Variants in NBPF11 observed in about 807,000 individuals in gnomAD.
The protein encoded by NBPF11 is NBPF family member NBPF11.
In NBPF11, 72 loss-of-function variants were observed where a neutral mutation model predicts 93.9. The observed-to-expected ratio is 0.77, with a 90% confidence interval of 0.63 to 0.93. NBPF11 has a LOEUF of 0.93. Among genes scored for constraint, NBPF11 ranks in the 40% least tolerant of loss-of-function variants. The pLI is 0.00. For synonymous variants in NBPF11, 224 were observed against 304.9 expected (o/e 0.73, Z 2.76); for missense variants, 705 against 802.2 (o/e 0.88, Z 1.46).
chr1:148,147,308 G>A (rs1673325364), intron 1 of NBPF11, among the ~76,000 whole-genome samples: 1 of 152,078 alleles, frequency 6.6e-6, no homozygotes, highest in Non-Finnish European at 1.5e-5. Context: ...GGCCAAGTGA[G>A]GCGAGGCTGC....
intron 2 of NBPF11, among the ~76,000 whole-genome samples, chr1:148,142,499 G>C (rs1672355664): frequency 6.6e-6 from 1 of 151,052 alleles, no homozygotes; most frequent in South Asian, 2.1e-4. Context: ...AAGCTGCCCG[G>C]CTGCAGGTGG....
chr1:148,103,940 C>T, intron 23 of NBPF11, 28 bp from the exon 24 acceptor site: 2 of 1,610,488 alleles, frequency 1.2e-6, no homozygotes, highest in Non-Finnish European at 1.7e-6. Context: ...ACTAAAGAAG[C>T]AGCCAGGGAA....
chr1:148,111,994 G>C (rs1665395892), intron 15 of NBPF11, among the ~76,000 whole-genome samples: 1 of 149,804 alleles, frequency 6.7e-6, no homozygotes, highest in South Asian at 2.1e-4. Context: ...GCTAAGGGCA[G>C]CCAGAGAGAA....
In NBPF11 at chr1:148,124,053, A is replaced by T; in HGVS notation, c.293T>A (p.Leu98Gln). 6.3e-7 allele frequency: 1 copy of T among 1,599,812 alleles called. No individual in the cohort carries two copies. Among genetic ancestry groups the T allele is most frequent in the Non-Finnish European group, 8.6e-7 (1 of 1,169,096 alleles). Residue 98 changes from leucine to glutamine, a missense_variant, in exon 7 of 24, where the codon CTG (leucine) becomes CAG (glutamine). Coordinates refer to ENST00000682118, the MANE Select transcript of NBPF11 (RefSeq NM_001385469.3). Reference protein sequence around the residue: ...QAEELRQYKVLVHSQERELTQ... With the variant: ...QAEELRQYKVQVHSQERELTQ... Reference sequence around the variant, plus strand: ...CAGCTCTCGTTCCTGAGAGTGAACCAGGACTTTATATTGCCTAAGGTGAGA... The same window carrying T: ...CAGCTCTCGTTCCTGAGAGTGAACCTGGACTTTATATTGCCTAAGGTGAGA...
chr1:148,108,456 T>C lies in NBPF11; in HGVS notation c.2026+26A>G, dbSNP rs371877701. ...CTAAACAGAAGACTCAGTGGATCCTTATCACCTTCATAGAAAGGTACTCAC... is the reference window on the plus strand; with the variant it reads ...CTAAACAGAAGACTCAGTGGATCCTCATCACCTTCATAGAAAGGTACTCAC... On this transcript the variant is annotated intron_variant, in intron 18 of 23. Coordinates refer to ENST00000682118, the MANE Select transcript of NBPF11 (RefSeq NM_001385469.3). The C allele has an allele frequency of 6.3e-6, 9 of 1,433,656 alleles. No homozygotes were observed. In the African/African-American group the frequency reaches 1.3e-4, roughly 21 times the overall value. The allele number at this position is 1,433,656 out of a possible 1,614,324, so 88.8% of individuals were successfully genotyped here.
intron 2 of NBPF11, among the ~76,000 whole-genome samples, chr1:148,139,808 G>A (rs1331820572): frequency 0.022 from 3,265 of 149,246 alleles, 100 homozygotes; most frequent in African/African-American, 0.075. Context: ...TCACAGGGAA[G>A]AGAAGCTACT....
intron 1 of NBPF11, among the ~76,000 whole-genome samples, chr1:148,146,050 G>A (rs1672951775): frequency 6.6e-6 from 1 of 152,062 alleles, no homozygotes; most frequent in Non-Finnish European, 1.5e-5. Flanking sequence ...AATGAAAACT[G>A]GATAAAAAGA....
intron 20 of NBPF11, among the ~76,000 whole-genome samples, chr1:148,106,657 C>A (rs1379975183): frequency 2.1e-5 from 3 of 146,126 alleles, no homozygotes; most frequent in African/African-American, 8.0e-5. Context: ...GAGTCCAAAT[C>A]ATAGTTCTGT....
rs1489393626 is a variant in NBPF11, at chr1:148,103,852, T to C, written c.*44A>G. ...AGTACATTGATGGAGTCGAATAATA[T>C]CTATCCAGTGAGTCCTGTAAGACTT... On this transcript the variant is annotated 3_prime_UTR_variant, in exon 24 of 24. Transcript: ENST00000682118. 42 of 1,611,356 alleles carry C rather than the reference T, an allele frequency of 2.6e-5. No individual in the cohort carries two copies. Among genetic ancestry groups the C allele is most frequent in the South Asian group, 4.4e-5 (4 of 90,974 alleles).
rs1426984189 is a variant in NBPF11 at position 148,146,606 on chromosome 1, C to T, written c.-548-2920G>A. 29 of 1,610,284 alleles carry T rather than the reference C, an allele frequency of 1.8e-5. 2 individuals are homozygous for T. The African/African-American group carries it at 1.9e-4, about 10-fold the overall frequency. ...CCCGGGCGCTGGAAGCTGCACCTGA[C>T]GGAGCGTGCCGACTTCCAGTACAGC... On this transcript the variant is annotated intron_variant, in intron 1 of 23. Transcript: ENST00000682118.
At chr1:148,114,881 A>T (rs1158783428) in intron 14 of NBPF11, among the ~76,000 whole-genome samples, 3 of 151,650 alleles carry the variant, frequency 2.0e-5, no homozygotes, top group African/African-American at 7.3e-5. Flanking sequence ...CGACTGATAG[A>T]TAAATTTGAA....
chr1:148,120,748 A>G (rs1667631926), intron 9 of NBPF11, 38 bp from the exon 10 acceptor site: 6 of 1,391,874 alleles, frequency 4.3e-6, no homozygotes, highest in Non-Finnish European at 5.1e-6. Context: ...TGGGTTAAAA[A>G]CTGGTGAAAT....
chr1:148,121,942 C>T (rs1330353830), intron 9 of NBPF11, 113 bp downstream of exon 9: 4 of 897,034 alleles, frequency 4.5e-6, no homozygotes, highest in Non-Finnish European at 7.5e-6. Flanking sequence ...GCACCTAGCT[C>T]CATCCTAGTT....
intron 9 of NBPF11, among the ~76,000 whole-genome samples, chr1:148,121,359 T>G (rs1426224597): frequency 3.5e-5 from 5 of 142,616 alleles, no homozygotes; most frequent in Non-Finnish European, 7.7e-5. Flanking sequence ...TTTTTTTTTT[T>G]TTTTTTGAGA....
At position 148,134,773 on chromosome 1, in the gene NBPF11, C is replaced by T. The variant is rs1416938486; in HGVS notation, c.-36+899G>A. Among the ~76,000 whole-genome samples the T allele has an allele frequency of 2.7e-3, 405 of 151,972 alleles. 2 individuals carry two copies. Among genetic ancestry groups the T allele is most frequent in the Non-Finnish European group, 5.0e-3 (341 of 68,020 alleles). ...TCACTCAATTATGTGTTGAAGAGTA[C>T]ACAGAGACTGCCAGGCTGAGGGACG... On this transcript the variant is annotated intron_variant, in intron 4 of 23. Transcript: ENST00000682118.
intron 1 of NBPF11, among the ~76,000 whole-genome samples, chr1:148,147,933 C>T (rs1283942784): frequency 6.6e-6 from 1 of 152,068 alleles, no homozygotes; most frequent in African/African-American, 2.4e-5. Context: ...CCCCTTTGTC[C>T]TGCAGGAACC....
rs1445562529 is a variant in NBPF11 at position 148,125,394 on chromosome 1, T to C, written c.176-393A>G. On this transcript the variant is annotated intron_variant, in intron 5 of 23. Coordinates refer to ENST00000682118, the MANE Select transcript of NBPF11 (RefSeq NM_001385469.3). ...GTACAGTCAGGAAGGCCCCTAGGAC[T>C]ATGGGACTGATGGTTTCCCTTTTAC... Among the ~76,000 whole-genome samples, 8 of 152,116 alleles carry C rather than the reference T, an allele frequency of 5.3e-5. No individual in the cohort carries two copies. The East Asian group carries it at 1.4e-3, about 26-fold the overall frequency.
At chr1:148,134,770 G>C (rs1670992750) in intron 4 of NBPF11, among the ~76,000 whole-genome samples, 1 of 151,924 alleles carries the variant, frequency 6.6e-6, no homozygotes, top group Non-Finnish European at 1.5e-5. Context: ...GTGTTGAAGA[G>C]TACACAGAGA....
In NBPF11 at chr1:148,126,902, C is replaced by T. The variant is rs1553273270; in HGVS notation, c.102G>A (p.Gln34=). ...LRPQLAENKQ[Q]FRNLKERCFL... Reference sequence around the variant, plus strand: ...AACATCTCTCTTTGAGGTTTCTGAACTGCTGTTTGTTCTCTGCCAACTGGG... The same window carrying T: ...AACATCTCTCTTTGAGGTTTCTGAATTGCTGTTTGTTCTCTGCCAACTGGG... The change falls in exon 5 of 24, where the codon CAG becomes CAA. Residue 34 remains glutamine, a synonymous_variant. Transcript: ENST00000682118. 22 of 1,410,416 alleles carry T rather than the reference C, an allele frequency of 1.6e-5. No homozygotes were observed. The highest frequency in any genetic ancestry group is 1.9e-5 in the Non-Finnish European group (19 of 1,013,046). The allele number at this position is 1,410,416 out of a possible 1,614,324, so 87.4% of individuals were successfully genotyped here. A position where few individuals can be genotyped will look rare whatever the true frequency, so the allele number is the denominator to read the frequency against.
Sources: allele counts gnomAD v4.1 joint callset (sites outside exome capture counted in the v4.1 genomes callset), GRCh38; gene constraint gnomAD v4.1.1; transcripts MANE v1.5; gene names NCBI Gene and HGNC (gene_info 2026-07-23, HGNC 2026-07-21).